CD276: variants seen among roughly 807,000 people sequenced by gnomAD.
The protein encoded by CD276 is CD276 molecule, also known as CD276 antigen.
CD276 carries 34 observed loss-of-function variants against 50.0 expected under a neutral mutation model. That is an observed-to-expected ratio of 0.68 (90% CI 0.52 to 0.91). The LOEUF is 0.91. Among genes scored for constraint, CD276 ranks in the 40% least tolerant of loss-of-function variants. The pLI is 0.00. For synonymous variants in CD276, 275 were observed against 313.0 expected, an observed-to-expected ratio of 0.88 and a Z score of 1.28; for missense variants, 634 against 717.5, an observed-to-expected ratio of 0.88 and a Z score of 1.33.
At chr15:73,703,247 G>C (rs10152662) in intron 4 of CD276, among the ~76,000 whole-genome samples, 161 bp downstream of exon 4, 1 of 151,938 alleles carries the variant, frequency 6.6e-6, no homozygotes, top group African/African-American at 2.4e-5. Flanking sequence ...TTCACTGGAG[G>C]GGTTGGGGGC....
intron 7 of CD276, among the ~76,000 whole-genome samples, chr15:73,709,220 G>A (rs1351503746): frequency 1.3e-5 from 2 of 152,190 alleles, no homozygotes; most frequent in Non-Finnish European, 2.9e-5. Context: ...GGTGATGGGT[G>A]GGTGGGCTGG....
chr15:73,711,278 T>A, intron 9 of CD276, 108 bp downstream of exon 9: 1 of 1,205,780 alleles, frequency 8.3e-7, no homozygotes, highest in Non-Finnish European at 1.2e-6. Context: ...TGAGGCCCCC[T>A]CTGCAGAAGA....
intron 9 of CD276, 70 bp downstream of exon 9, chr15:73,711,240 G>T (rs999222797): frequency 6.5e-7 from 1 of 1,537,632 alleles, no homozygotes. Context: ...TGAGAGGGTG[G>T]GTAGGCATCA....
intron 2 of CD276, 140 bp from the exon 3 acceptor site, chr15:73,702,114 TA>T: frequency 1.5e-6 from 1 of 680,346 alleles, no homozygotes; most frequent in Non-Finnish European, 2.4e-6. Flanking sequence ...AATGAGGTCC[TA>T]AGACAATAAA....
chr15:73,703,717 C>T lies in CD276; in HGVS notation c.792C>T (p.Ala264=). 6.2e-7 allele frequency: 1 copy of T among 1,613,292 alleles called. No homozygotes were observed. Among genetic ancestry groups the T allele is most frequent in the South Asian group, 1.1e-5 (1 of 91,074 alleles). The change falls in exon 5 of 10, where the codon GCC becomes GCT. Residue 264 remains alanine (A), a synonymous_variant. Transcript: ENST00000318443. The part of the protein sequence containing the change: ...DPVVALVGTD[A]TLRCSFSPEP... Reference sequence around the variant, plus strand: ...TGGTGGCCCTAGTGGGCACCGATGCCACCCTGCGCTGCTCCTTCTCCCCCG... The same window carrying T: ...TGGTGGCCCTAGTGGGCACCGATGCTACCCTGCGCTGCTCCTTCTCCCCCG...
At chr15:73,696,840 T>C (rs2141551347) in intron 1 of CD276, among the ~76,000 whole-genome samples, 1 of 152,020 alleles carries the variant, frequency 6.6e-6, no homozygotes, top group East Asian at 1.9e-4. Context: ...CTGTCTTAGG[T>C]CCTAAGAGAA....
intron 1 of CD276, among the ~76,000 whole-genome samples, chr15:73,699,200 A>G (rs1900282518): frequency 6.6e-6 from 1 of 152,162 alleles, no homozygotes; most frequent in Non-Finnish European, 1.5e-5. Context: ...CCCATCTCTA[A>G]GTCTGGCCCC....
In CD276 at chr15:73,698,352, A is replaced by C. The variant is rs964264049; in HGVS notation, c.-54-1234A>C. Reference sequence around the variant, plus strand: ...TTGCAAATACTGCTGATTTCACACAAGCTATACTGAACCCTTCCATTTTCT... The same window carrying C: ...TTGCAAATACTGCTGATTTCACACACGCTATACTGAACCCTTCCATTTTCT... On this transcript the variant is annotated intron_variant, in intron 1 of 9. Transcript: ENST00000318443. Among the ~76,000 whole-genome samples, 3 of 152,184 alleles carry C rather than the reference A, an allele frequency of 2.0e-5. No homozygotes were observed. The East Asian group carries it at 5.8e-4, about 29-fold the overall frequency.
Position 73,713,003 on chromosome 15 carries a change from C to T in CD276, c.*47C>T. ...TACCCCTCCCTACAGCTCCTACCCT[C>T]TGGCTGCAATGGGGCTGCACTGTGA... On this transcript the variant is annotated 3_prime_UTR_variant, in exon 10 of 10. Transcript: ENST00000318443. 1 of 1,594,806 alleles carries T rather than the reference C, an allele frequency of 6.3e-7. No homozygotes were observed. The highest frequency in any genetic ancestry group is 8.6e-7 in the Non-Finnish European group (1 of 1,163,762).
Position 73,713,947 on chromosome 15 carries a change from G to T in CD276, c.*991G>T, listed in dbSNP as rs752100213. ...TCAAGGACTCCCCATCCAGCTGGGAGACAGACAACTAACTACACTGCACCC... is the reference window on the plus strand; with the variant it reads ...TCAAGGACTCCCCATCCAGCTGGGATACAGACAACTAACTACACTGCACCC... On this transcript the variant is annotated 3_prime_UTR_variant, in exon 10 of 10. Coordinates refer to ENST00000318443, the MANE Select transcript of CD276 (RefSeq NM_001024736.2). 5.4e-6 allele frequency: 2 copies of T among 370,832 alleles called. No individual in the cohort carries two copies. Among genetic ancestry groups the T allele is most frequent in the Admixed American group, 4.5e-5 (1 of 22,148 alleles). The allele number at this position is 370,832 out of a possible 1,614,324, so 23.0% of individuals were successfully genotyped here.
intron 1 of CD276, among the ~76,000 whole-genome samples, chr15:73,689,188 CTGTGTGTGTGTGTGTGTGTGTG>C (rs58196751): frequency 7.0e-6 from 1 of 142,626 alleles, no homozygotes. Context: ...TCTGTGCCTC[CTGTGTGTGTGTGTGTGTGTGTG>C]TGTGTGTGTG....
intron 2 of CD276, among the ~76,000 whole-genome samples, chr15:73,701,988 G>A (rs141045885): frequency 1.3e-5 from 2 of 152,322 alleles, no homozygotes; most frequent in East Asian, 1.9e-4. Context: ...GTGCCCATTT[G>A]TCTCTCTCTC....
At chr15:73,709,129 G>A (rs1900777415) in intron 7 of CD276, among the ~76,000 whole-genome samples, 1 of 152,210 alleles carries the variant, frequency 6.6e-6, no homozygotes, top group South Asian at 2.1e-4. Context: ...ACAGGTGGAA[G>A]GATGAGCAGG....
At chr15:73,707,829 C>T (rs1238729229) in intron 6 of CD276, among the ~76,000 whole-genome samples, 1 of 152,218 alleles carries the variant, frequency 6.6e-6, no homozygotes, top group Non-Finnish European at 1.5e-5. Context: ...AGGGCTGAAG[C>T]AGTCAAAAGA....
intron 1 of CD276, among the ~76,000 whole-genome samples, chr15:73,689,122 C>T (rs539028066): frequency 6.6e-6 from 1 of 151,816 alleles, no homozygotes; most frequent in African/African-American, 2.4e-5. Flanking sequence ...TGTTGCCATC[C>T]CTTCTTTTGG....
intron 7 of CD276, among the ~76,000 whole-genome samples, chr15:73,708,921 G>A (rs1318594414): frequency 6.6e-6 from 1 of 152,234 alleles, no homozygotes; most frequent in Non-Finnish European, 1.5e-5. Flanking sequence ...TGCCATTTGC[G>A]GGGCTGAGGG....
At chr15:73,708,564 C>A in intron 7 of CD276, 91 bp downstream of exon 7, 1 of 1,411,652 alleles carries the variant, frequency 7.1e-7, no homozygotes, top group Non-Finnish European at 9.6e-7. Flanking sequence ...GTGTCACTTT[C>A]TAGTGACAGA....
At chr15:73,693,462 G>T (rs975725741) in intron 1 of CD276, among the ~76,000 whole-genome samples, 1 of 152,204 alleles carries the variant, frequency 6.6e-6, no homozygotes, top group Non-Finnish European at 1.5e-5. Context: ...AATGGACTCA[G>T]TTTAACTGGG....
At position 73,704,092 on chromosome 15, in the gene CD276, G is replaced by C. The variant is rs1256475621; in HGVS notation, c.1073-84G>C. On this transcript the variant is annotated intron_variant, in intron 5 of 9. Transcript: ENST00000318443. The surrounding 1 kb of genome is among the most constrained non-coding windows in gnomAD (Gnocchi z 4.1). ...GCACCACTGCTCCCAGAACCCCAGT[G>C]CTGATTCCTGTACTCAGCCCCATGC... The C allele has an allele frequency of 1.3e-6, 2 of 1,562,306 alleles. No individual in the cohort carries two copies. The highest frequency in any genetic ancestry group is 1.7e-6 in the Non-Finnish European group (2 of 1,152,928).
Sources: gnomAD v4.1 joint callset for allele counts (sites outside exome capture counted in the v4.1 genomes callset) on GRCh38, gnomAD v4.1.1 for gene constraint, Gnocchi (gnomAD v3.1) non-coding constraint, MANE v1.5 for transcripts, NCBI Gene and HGNC (gene_info 2026-07-23, HGNC 2026-07-21) for gene names.